RNF135: variants seen among roughly 807,000 people sequenced by gnomAD.
RNF135 encodes the protein E3 ubiquitin-protein ligase RNF135.
In RNF135, 46 loss-of-function variants were observed where a neutral mutation model predicts 41.9. The ratio of observed to expected loss-of-function variants is 1.10; its 90% CI spans 0.87 to 1.40. RNF135 has a LOEUF of 1.40. Among genes scored for constraint, RNF135 ranks in the 40% most tolerant of loss-of-function variants. The probability of loss-of-function intolerance (pLI) is 0.00; values close to 1 mark genes in which losing one functional copy is unlikely to be tolerated. For missense variants in RNF135, 539 were observed against 549.8 expected (o/e 0.98, Z 0.20); for synonymous variants, 238 against 223.8 (o/e 1.06, Z -0.57).
upstream of RNF135, among the ~76,000 whole-genome samples, chr17:30,966,192 C>T (rs1267383549): frequency 1.3e-5 from 2 of 152,106 alleles, no homozygotes; most frequent in African/African-American, 4.8e-5. Context: ...AAACTATAAA[C>T]TAAATTCCTT....
At chr17:30,974,497 A>G (rs1430626318) in intron 1 of RNF135, among the ~76,000 whole-genome samples, 4 of 151,954 alleles carry the variant, frequency 2.6e-5, no homozygotes, top group South Asian at 2.1e-4. Context: ...CACTTTGGGT[A>G]GTATTGACAT....
In RNF135 at chr17:30,971,328, C is replaced by G. The variant is rs780005354; in HGVS notation, c.255C>G (p.Tyr85Ter). ...TACTGCAGGACCTGGCCGACAAGTACCGCCGCGCCGCACGCGAGATACAGG... is the reference window on the plus strand; with the variant it reads ...TACTGCAGGACCTGGCCGACAAGTAGCGCCGCGCCGCACGCGAGATACAGG... ...NTLLQDLADK[Y>*]RRAAREIQAG... Residue 85 changes from tyrosine to a stop codon, truncating the protein, a stop_gained, in exon 1 of 5, where the codon TAC becomes TAG. Coordinates refer to ENST00000328381, the MANE Select transcript of RNF135 (RefSeq NM_032322.4). LOFTEE classifies it high-confidence loss of function. 2 of 1,533,708 alleles carry G rather than the reference C, an allele frequency of 1.3e-6. No homozygotes were observed. The highest frequency in any genetic ancestry group is 2.4e-5 in the South Asian group (2 of 83,198).
intron 3 of RNF135, among the ~76,000 whole-genome samples, chr17:30,991,414 CT>C (rs529402946): frequency 1.1e-3 from 165 of 150,134 alleles, no homozygotes; most frequent in African/African-American, 3.7e-3. Flanking sequence ...TTCTCTTTCT[CT>C]TTCTTTTTTT....
chr17:30,992,158 T>C (rs1908033765), intron 3 of RNF135, among the ~76,000 whole-genome samples: 1 of 151,904 alleles, frequency 6.6e-6, no homozygotes, highest in Non-Finnish European at 1.5e-5. Flanking sequence ...TCTCAAACTC[T>C]TGACCTCAGG....
At chr17:30,965,539 G>C in the RNF135 span, 2 of 152,168 alleles carry the variant, frequency 1.3e-5, no homozygotes, top group Non-Finnish European at 2.9e-5. Context: ...CTGTCTCTAA[G>C]TTAAAGTGTA....
At chr17:30,991,141 C>T (rs905936677) in intron 3 of RNF135, among the ~76,000 whole-genome samples, 1 of 152,108 alleles carries the variant, frequency 6.6e-6, no homozygotes, top group Non-Finnish European at 1.5e-5. Flanking sequence ...CCCCAACCTG[C>T]CAACTGAGTA....
chr17:30,963,082 T>C, the RNF135 span, among the ~76,000 whole-genome samples: 2 of 151,358 alleles, frequency 1.3e-5, no homozygotes, highest in Non-Finnish European at 2.9e-5. Flanking sequence ...AGTGACCATT[T>C]GATTCCCTAG....
At chr17:30,960,780 C>T in the RNF135 span, among the ~76,000 whole-genome samples, 2 of 147,964 alleles carry the variant, frequency 1.4e-5, no homozygotes, top group Non-Finnish European at 3.0e-5. Context: ...TGCTCTGTCG[C>T]CCAGGCTGGA....
chr17:30,963,880 C>A, the RNF135 span, among the ~76,000 whole-genome samples: 1 of 152,026 alleles, frequency 6.6e-6, no homozygotes, highest in South Asian at 2.1e-4. Context: ...CTTTGGAGGC[C>A]AAGAAGGGAG....
At chr17:30,971,737 T>G in intron 1 of RNF135, 1 of 1,290,818 alleles carries the variant, frequency 7.7e-7, no homozygotes, top group Non-Finnish European at 9.8e-7. Flanking sequence ...CTGAAACTTG[T>G]AAAATTGTGG....
chr17:30,969,726 C>T (rs1480393401), upstream of RNF135, among the ~76,000 whole-genome samples: 1 of 151,554 alleles, frequency 6.6e-6, no homozygotes, highest in Non-Finnish European at 1.5e-5. Context: ...TAACCACAAA[C>T]GCTTTTTTTT....
the RNF135 span, among the ~76,000 whole-genome samples, chr17:30,965,746 T>C: frequency 1.6e-4 from 24 of 152,294 alleles, no homozygotes; most frequent in African/African-American, 5.5e-4. Flanking sequence ...CTGGAGGTTA[T>C]GGTTTTTCAG....
chr17:30,995,110 C>T (rs1383291501), intron 3 of RNF135, among the ~76,000 whole-genome samples: 2 of 150,878 alleles, frequency 1.3e-5, no homozygotes, highest in South Asian at 2.2e-4. Context: ...TTGTTTTGGC[C>T]GGGACAGTGG....
the RNF135 span, among the ~76,000 whole-genome samples, chr17:30,964,404 A>G: frequency 1.3e-5 from 2 of 150,936 alleles, no homozygotes; most frequent in Admixed American, 1.3e-4. Flanking sequence ...AAAAAAAAAA[A>G]AAAAAAAAAG....
At position 30,999,428 on chromosome 17, in the gene RNF135, TG is replaced by T. The variant is rs2142740740; in HGVS notation, c.*238del. The T allele has an allele frequency of 1.8e-6, 1 of 541,890 alleles. No individual in the cohort carries two copies. Among genetic ancestry groups the T allele is most frequent in the African/African-American group, 1.9e-5 (1 of 52,816 alleles). The allele number at this position is 541,890 out of a possible 1,614,324, so 33.6% of individuals were successfully genotyped here. ...CACACCTGGCCAAGAATACCACTTT[TG>T]AAGTTAATCCTTTTGTGTGATACAG... On this transcript the variant is annotated 3_prime_UTR_variant, in exon 5 of 5. Coordinates refer to ENST00000328381, the MANE Select transcript of RNF135 (RefSeq NM_032322.4).
chr17:30,983,861 A>T (rs1303997338), intron 1 of RNF135, among the ~76,000 whole-genome samples: 1 of 151,262 alleles, frequency 6.6e-6, no homozygotes, highest in Non-Finnish European at 1.5e-5. Flanking sequence ...AGTGATCTTG[A>T]GTGTCTATTC....
At position 30,999,423 on chromosome 17, in the gene RNF135, A is replaced by T; in HGVS notation, c.*232A>T. 1 of 549,492 alleles carries T rather than the reference A, an allele frequency of 1.8e-6. No individual in the cohort carries two copies. Among genetic ancestry groups the T allele is most frequent in the East Asian group, 3.2e-5 (1 of 31,454 alleles). The allele number at this position is 549,492 out of a possible 1,614,324, so 34.0% of individuals were successfully genotyped here. A position where few individuals can be genotyped will look rare whatever the true frequency, so the allele number is the denominator to read the frequency against. ...GCCACCACACCTGGCCAAGAATACC[A>T]CTTTTGAAGTTAATCCTTTTGTGTG... On this transcript the variant is annotated 3_prime_UTR_variant, in exon 5 of 5. Coordinates refer to ENST00000328381, the MANE Select transcript of RNF135 (RefSeq NM_032322.4).
intron 1 of RNF135, among the ~76,000 whole-genome samples, chr17:30,977,916 C>G (rs1458042802): frequency 6.6e-6 from 1 of 152,180 alleles, no homozygotes; most frequent in Non-Finnish European, 1.5e-5. Flanking sequence ...TCTTGTAGGA[C>G]AGGTCTGGTG....
upstream of RNF135, chr17:30,970,883 A>G (rs1415380502): frequency 3.9e-6 from 3 of 775,708 alleles, no homozygotes; most frequent in Admixed American, 8.5e-5. Context: ...CTGTCTTTCC[A>G]GCTGGGCACT....
Sources: gnomAD v4.1 joint callset for allele counts (sites outside exome capture counted in the v4.1 genomes callset) on GRCh38, gnomAD v4.1.1 for gene constraint, MANE v1.5 for transcripts, NCBI Gene and HGNC (gene_info 2026-07-23, HGNC 2026-07-21) for gene names.